Variants in BMPR1A observed in about 807,000 individuals in gnomAD.
BMPR1A encodes bone morphogenetic protein receptor type 1A, also known as bone morphogenetic protein receptor type-1A.
BMPR1A carries 7 observed loss-of-function variants against 66.0 expected under a neutral mutation model. The ratio of observed to expected loss-of-function variants is 0.11; its 90% CI spans 0.06 to 0.20. BMPR1A has a LOEUF of 0.20. Among genes scored for constraint, BMPR1A ranks in the 10% least tolerant of loss-of-function variants. BMPR1A has a pLI of 1.00. For missense variants in BMPR1A, 408 were observed against 669.1 expected (o/e 0.61, Z 4.31); for synonymous variants, 200 against 229.7 (o/e 0.87, Z 1.17).
chr10:86,852,213 A>G (rs1842579078), intron 2 of BMPR1A, among the ~76,000 whole-genome samples: 1 of 152,354 alleles, frequency 6.6e-6, no homozygotes, highest in African/African-American at 2.4e-5. Flanking sequence ...TACATTTCAA[A>G]TAAAATCAAC....
intron 5 of BMPR1A, among the ~76,000 whole-genome samples, chr10:86,897,537 A>C (rs55913476): frequency 0.076 from 11,541 of 152,154 alleles, 502 homozygotes; most frequent in Non-Finnish European, 0.081. Context: ...TAATTTATTG[A>C]ATATTTGTTA....
chr10:86,783,670 C>T (rs904149484), intron 1 of BMPR1A, among the ~76,000 whole-genome samples: 5 of 152,202 alleles, frequency 3.3e-5, no homozygotes, highest in African/African-American at 9.7e-5. Flanking sequence ...CTCACTGCCA[C>T]CTCCCACTGC....
rs1843623133 is a variant in BMPR1A, at chr10:86,919,248, A to G, written c.945A>G (p.Gly315=). The G allele has an allele frequency of 6.2e-7, 1 of 1,613,980 alleles. No individual in the cohort carries two copies. ...LYLITDYHEN[G]SLYDFLKCAT... ...TGATTACTGATTACCATGAAAATGG[A>G]TCTCTCTATGACTTCCTGAAATGTG... The change falls in exon 10 of 13, where the codon GGA becomes GGG. Residue 315 remains glycine (G), a synonymous_variant. Transcript: ENST00000372037.
chr10:86,824,959 T>C (rs1842172079), intron 1 of BMPR1A, among the ~76,000 whole-genome samples: 1 of 152,172 alleles, frequency 6.6e-6, no homozygotes. Flanking sequence ...TCTTAGAGTA[T>C]GCATCATTAG....
chr10:86,875,427 C>G (rs1842909260), intron 2 of BMPR1A, among the ~76,000 whole-genome samples: 1 of 152,144 alleles, frequency 6.6e-6, no homozygotes, highest in South Asian at 2.1e-4. Context: ...TCGGCTTCCT[C>G]TTCTATCTAT....
chr10:86,889,788 T>G (rs1392065498), intron 3 of BMPR1A: 1 of 379,916 alleles, frequency 2.6e-6, no homozygotes, highest in Non-Finnish European at 4.7e-6. Context: ...AAGATTTGAC[T>G]GTATTCTGCC....
At chr10:86,794,855 G>C (rs1841682359) in intron 1 of BMPR1A, among the ~76,000 whole-genome samples, 1 of 144,684 alleles carries the variant, frequency 6.9e-6, no homozygotes, top group Admixed American at 6.9e-5. Flanking sequence ...TATAGATATA[G>C]TTTTTTTTTT....
chr10:86,766,692 A>G lies in BMPR1A; in HGVS notation c.-268+9773A>G, dbSNP rs140275534. Among the ~76,000 whole-genome samples the G allele has an allele frequency of 5.3e-3, 771 of 144,878 alleles. 10 individuals carry two copies. The highest frequency in any genetic ancestry group is 0.019 in the African/African-American group (722 of 37,132). On this transcript the variant is annotated intron_variant, in intron 1 of 12. Transcript: ENST00000372037. ...GTGCAGTGGCGCTATCTCTGCTCAC[A>G]GCAAGCTCCGCCTCCTGGGTTCATG... is the stretch of plus-strand genomic sequence containing the variant.
chr10:86,845,271 C>A lies in BMPR1A; in HGVS notation c.-153+6292C>A, dbSNP rs181209104. On this transcript the variant is annotated intron_variant, in intron 2 of 12. Coordinates refer to ENST00000372037, the MANE Select transcript of BMPR1A (RefSeq NM_004329.3). The stretch of plus-strand genomic sequence containing the variant: ...AGTGAAGTTTCATTAAGTGGGTGAT[C>A]CAGTTCCCCCTGCGGGCAGCTGGGC... 9.8e-4 allele frequency among the ~76,000 whole-genome samples: 149 copies of A among 152,316 alleles called. 1 individual carries two copies. Among genetic ancestry groups the A allele is most frequent in the Non-Finnish European group, 1.8e-3 (120 of 68,032 alleles).
At chr10:86,856,133 A>T (rs1413792385) in intron 2 of BMPR1A, 1 of 520,266 alleles carries the variant, frequency 1.9e-6, no homozygotes, top group South Asian at 1.5e-5. Flanking sequence ...TTGAAATTTT[A>T]TATTTAATTC....
chr10:86,823,235 A>G (rs983563523), intron 1 of BMPR1A, among the ~76,000 whole-genome samples: 2 of 152,230 alleles, frequency 1.3e-5, no homozygotes, highest in Non-Finnish European at 2.9e-5. Context: ...ATTCTCCCGT[A>G]TAAACTTCTA....
chr10:86,906,776 T>TATC (rs1843400272), intron 7 of BMPR1A, among the ~76,000 whole-genome samples: 1 of 148,150 alleles, frequency 6.7e-6, no homozygotes, highest in South Asian at 2.2e-4. Flanking sequence ...TTTGTCCTTT[T>TATC]ATCTGTCTCT....
At chr10:86,894,705 A>G (rs1843200664) in intron 5 of BMPR1A, among the ~76,000 whole-genome samples, 1 of 152,222 alleles carries the variant, frequency 6.6e-6, no homozygotes, top group Non-Finnish European at 1.5e-5. Context: ...CCATGAAGGA[A>G]TTACTATGAG....
intron 10 of BMPR1A, among the ~76,000 whole-genome samples, chr10:86,920,936 G>A (rs1843653905): frequency 6.9e-6 from 1 of 145,938 alleles, no homozygotes; most frequent in Non-Finnish European, 1.5e-5. Flanking sequence ...GCTCACTGCA[G>A]TCTCCGCCTC....
At chr10:86,920,075 G>A (rs1843640045) in intron 10 of BMPR1A, among the ~76,000 whole-genome samples, 1 of 152,122 alleles carries the variant, frequency 6.6e-6, no homozygotes, top group Non-Finnish European at 1.5e-5. Flanking sequence ...AGGTACTGTA[G>A]TTTATTCTTA....
chr10:86,886,264 T>C (rs1395390546), intron 3 of BMPR1A, among the ~76,000 whole-genome samples: 7 of 151,774 alleles, frequency 4.6e-5, no homozygotes, highest in Admixed American at 4.6e-4. Context: ...ACAGTGGAGG[T>C]TGGATTTTAT....
At chr10:86,801,014 G>A (rs1252608594) in intron 1 of BMPR1A, among the ~76,000 whole-genome samples, 1 of 152,336 alleles carries the variant, frequency 6.6e-6, no homozygotes, top group East Asian at 1.9e-4. Flanking sequence ...GACAGTAATT[G>A]TAAATATGAG....
In BMPR1A at chr10:86,899,790, T is replaced by G. The variant is rs1060504904; in HGVS notation, c.334-4T>G. On this transcript the variant is annotated splice_region_variant and splice_polypyrimidine_tract_variant and intron_variant, in intron 5 of 12. Coordinates refer to ENST00000372037, the MANE Select transcript of BMPR1A (RefSeq NM_004329.3). Reference sequence around the variant, plus strand: ...TTCTAATTTTATCATTACTCTTCTTTTAGGATTCTCCAAAAGCCCAGCTAC... The same window carrying G: ...TTCTAATTTTATCATTACTCTTCTTGTAGGATTCTCCAAAAGCCCAGCTAC... The G allele has an allele frequency of 6.2e-7, 1 of 1,611,984 alleles. No individual in the cohort carries two copies. Among genetic ancestry groups the G allele is most frequent in the African/African-American group, 1.3e-5 (1 of 75,010 alleles).
chr10:86,800,937 G>T (rs1443969734), intron 1 of BMPR1A, among the ~76,000 whole-genome samples: 1 of 152,130 alleles, frequency 6.6e-6, no homozygotes, highest in Admixed American at 6.5e-5. Flanking sequence ...TAATCTTCAC[G>T]TACTTACGTA....
Sources: gnomAD v4.1 joint callset for allele counts (sites outside exome capture counted in the v4.1 genomes callset) on GRCh38, gnomAD v4.1.1 for gene constraint, MANE v1.5 for transcripts, NCBI Gene and HGNC (gene_info 2026-07-23, HGNC 2026-07-21) for gene names.